The following CTDSPL2 variants were observed in gnomAD, a reference collection of about 807,000 sequenced individuals.
CTDSPL2 encodes the protein CTD small phosphatase-like protein 2.
In CTDSPL2, 5 loss-of-function variants were observed where a neutral mutation model predicts 60.0. The ratio of observed to expected loss-of-function variants is 0.08; its 90% CI spans 0.04 to 0.18. The LOEUF is 0.18. Ranked by LOEUF, CTDSPL2 falls within the 10% of genes least tolerant of loss-of-function variation. The probability of loss-of-function intolerance (pLI) is 1.00; values close to 1 mark genes in which losing one functional copy is unlikely to be tolerated. For missense variants in CTDSPL2, 370 were observed against 548.8 expected, an observed-to-expected ratio of 0.67 and a Z score of 3.26; for synonymous variants, 186 against 189.3, an observed-to-expected ratio of 0.98 and a Z score of 0.14.
At chr15:44,440,660 T>A (rs1034664853) in intron 1 of CTDSPL2, among the ~76,000 whole-genome samples, 1 of 142,372 alleles carries the variant, frequency 7.0e-6, no homozygotes, top group Non-Finnish European at 1.5e-5. Flanking sequence ...GGTTTTTAAA[T>A]TTTTTTTTTA....
At chr15:44,498,883 G>T (rs76710737) in intron 7 of CTDSPL2, among the ~76,000 whole-genome samples, 9 of 152,010 alleles carry the variant, frequency 5.9e-5, no homozygotes, top group African/African-American at 1.9e-4. Flanking sequence ...TACATGAAAC[G>T]TAATTTGTGA....
chr15:44,458,771 A>G (rs1178475089), intron 1 of CTDSPL2, among the ~76,000 whole-genome samples: 1 of 152,176 alleles, frequency 6.6e-6, no homozygotes, highest in East Asian at 1.9e-4. Flanking sequence ...ATAATATTTC[A>G]GAGGTTGTTG....
intron 8 of CTDSPL2, among the ~76,000 whole-genome samples, chr15:44,505,086 A>T (rs2081438097): frequency 6.6e-6 from 1 of 152,166 alleles, no homozygotes; most frequent in Non-Finnish European, 1.5e-5. Context: ...AATATATTTT[A>T]TGGGGATTCT....
chr15:44,466,396 C>T (rs1204149282), intron 2 of CTDSPL2, among the ~76,000 whole-genome samples: 1 of 152,182 alleles, frequency 6.6e-6, no homozygotes, highest in Non-Finnish European at 1.5e-5. Context: ...CTCAGACTAA[C>T]TGGTGGAATT....
At chr15:44,484,395 G>T (rs2081082574) in intron 3 of CTDSPL2, 33 bp downstream of exon 3, 1 of 1,592,002 alleles carries the variant, frequency 6.3e-7, no homozygotes, top group Non-Finnish European at 8.6e-7. Flanking sequence ...TTTTATTTAG[G>T]TGTAAGCAGA....
At chr15:44,495,445 G>A (rs993957289) in intron 5 of CTDSPL2, among the ~76,000 whole-genome samples, 2 of 151,918 alleles carry the variant, frequency 1.3e-5, no homozygotes, top group African/African-American at 4.8e-5. Context: ...GCCAGGTGTG[G>A]TGGCACATGC....
chr15:44,450,511 C>T (rs2080311901), intron 1 of CTDSPL2, among the ~76,000 whole-genome samples: 1 of 151,338 alleles, frequency 6.6e-6, no homozygotes, highest in Non-Finnish European at 1.5e-5. Flanking sequence ...GTTTATTTTC[C>T]AACAAGTCAG....
At chr15:44,482,474 A>G (rs1167408986) in intron 2 of CTDSPL2, among the ~76,000 whole-genome samples, 1 of 152,200 alleles carries the variant, frequency 6.6e-6, no homozygotes, top group East Asian at 1.9e-4. Context: ...TAGCAGCTGT[A>G]CTAGGACATT....
chr15:44,449,943 A>G (rs939696263), intron 1 of CTDSPL2, among the ~76,000 whole-genome samples: 3 of 150,992 alleles, frequency 2.0e-5, no homozygotes, highest in African/African-American at 7.3e-5. Flanking sequence ...GTGAGCTGAG[A>G]TTACGTTGCT....
At chr15:44,489,696 A>C (rs558447975) in intron 4 of CTDSPL2, among the ~76,000 whole-genome samples, 93 of 152,328 alleles carry the variant, frequency 6.1e-4, no homozygotes, top group African/African-American at 2.0e-3. Context: ...ATCATCTGTA[A>C]TAACAACTAG....
Position 44,459,155 on chromosome 15 carries a change from C to T in CTDSPL2, c.141C>T (p.Gly47=). 1 of 1,611,118 alleles carries T rather than the reference C, an allele frequency of 6.2e-7. No individual in the cohort carries two copies. The highest frequency in any genetic ancestry group is 8.5e-7 in the Non-Finnish European group (1 of 1,178,856). ...GGEKPSKNET[G]LLSSIKKFIK... is the part of the protein sequence containing the mutation. ...AAAAACCATCGAAGAATGAAACCGGCTTGTTGTCTTCAATTAAAAAATTTA... is the reference window on the plus strand; with the variant it reads ...AAAAACCATCGAAGAATGAAACCGGTTTGTTGTCTTCAATTAAAAAATTTA... The change falls in exon 2 of 13, where the codon GGC becomes GGT. Residue 47 remains glycine (G), a synonymous_variant. Coordinates refer to ENST00000260327, the MANE Select transcript of CTDSPL2 (RefSeq NM_016396.3).
intron 1 of CTDSPL2, among the ~76,000 whole-genome samples, chr15:44,454,207 T>C (rs1326808779): frequency 6.6e-6 from 1 of 152,254 alleles, no homozygotes; most frequent in African/African-American, 2.4e-5. Context: ...TTCATGTGTC[T>C]GTTGGCTTCA....
chr15:44,486,773 T>TTC, intron 4 of CTDSPL2, 73 bp downstream of exon 4: 2 of 1,202,714 alleles, frequency 1.7e-6, no homozygotes, highest in Non-Finnish European at 2.3e-6. Context: ...TTTTTTTTTT[T>TTC]TTTCTTGAGA....
Position 44,497,490 on chromosome 15 carries a change from C to T in CTDSPL2, c.882+352C>T, listed in dbSNP as rs545329428. 1.6e-4 allele frequency among the ~76,000 whole-genome samples: 25 copies of T among 152,182 alleles called. 1 individual carries two copies. The East Asian group carries it at 4.1e-3, about 25-fold the overall frequency. The stretch of plus-strand genomic sequence containing the variant: ...ACACAATTCTCCTGCCTCAGCCTCC[C>T]GAGTAGCTGGGACTACAGGCGCCTG... On this transcript the variant is annotated intron_variant, in intron 7 of 12. Transcript: ENST00000260327.
chr15:44,459,921 C>T (rs971536810), intron 2 of CTDSPL2, among the ~76,000 whole-genome samples: 1 of 152,080 alleles, frequency 6.6e-6, no homozygotes, highest in African/African-American at 2.4e-5. Flanking sequence ...AGAATGGACA[C>T]GGACCAGGAG....
intron 2 of CTDSPL2, among the ~76,000 whole-genome samples, chr15:44,476,439 T>C (rs950563908): frequency 6.6e-6 from 1 of 152,174 alleles, no homozygotes; most frequent in African/African-American, 2.4e-5. Context: ...GAAGTAAATG[T>C]ATTTTAAATG....
At chr15:44,436,817 T>C (rs148414413) in intron 1 of CTDSPL2, among the ~76,000 whole-genome samples, 13 of 152,352 alleles carry the variant, frequency 8.5e-5, no homozygotes, top group East Asian at 5.8e-4. Flanking sequence ...ATATGTGTTA[T>C]CTACTCTTGT....
chr15:44,514,693 T>C (rs1339693152), intron 9 of CTDSPL2, 33 bp downstream of exon 9: 1 of 1,548,144 alleles, frequency 6.5e-7, no homozygotes, highest in East Asian at 2.2e-5. Context: ...CATATGTATT[T>C]TTATTTTATT....
At chr15:44,515,163 A>G (rs1420540556) in intron 10 of CTDSPL2, among the ~76,000 whole-genome samples, 2 of 152,174 alleles carry the variant, frequency 1.3e-5, no homozygotes, top group African/African-American at 4.8e-5. Flanking sequence ...TTTCATCTCC[A>G]TATGTCTCTG....
Sources: gnomAD v4.1 joint callset for allele counts (sites outside exome capture counted in the v4.1 genomes callset) on GRCh38, gnomAD v4.1.1 for gene constraint, MANE v1.5 for transcripts, NCBI Gene and HGNC (gene_info 2026-07-23, HGNC 2026-07-21) for gene names.